The following CDON variants were observed in gnomAD, a reference collection of about 807,000 sequenced individuals.
CDON encodes the protein cell adhesion molecule-related/down-regulated by oncogenes.
Under a neutral mutation model 120.9 loss-of-function variants are expected in CDON, and 73 were observed. The ratio of observed to expected loss-of-function variants is 0.60; its 90% CI spans 0.50 to 0.73. The LOEUF is 0.73. Among genes scored for constraint, CDON ranks in the 30% least tolerant of loss-of-function variants. The pLI, the probability that CDON is intolerant of heterozygous loss-of-function variation, is 0.00. For synonymous variants in CDON, 566 were observed against 573.5 expected (o/e 0.99, Z 0.19); for missense variants, 1,470 against 1,587.3 (o/e 0.93, Z 1.26).
intron 1 of CDON, among the ~76,000 whole-genome samples, chr11:126,030,065 T>C (rs1947904260): frequency 6.6e-6 from 1 of 152,192 alleles, no homozygotes. Context: ...TCCTAAGTTA[T>C]AAGGCTTTCT....
chr11:125,989,582 G>A, intron 15 of CDON, 55 bp downstream of exon 15: 3 of 1,544,026 alleles, frequency 1.9e-6, no homozygotes, highest in Non-Finnish European at 2.7e-6. Context: ...GTCAGAAGCA[G>A]TAATCCAGGG....
intron 1 of CDON, among the ~76,000 whole-genome samples, chr11:126,028,907 C>T (rs751651887): frequency 3.3e-5 from 5 of 151,696 alleles, no homozygotes; most frequent in Non-Finnish European, 5.9e-5. Flanking sequence ...AAATCTTAAA[C>T]CACTCTTCTA....
At chr11:125,975,998 A>T (rs548506480) in intron 18 of CDON, among the ~76,000 whole-genome samples, 1 of 152,306 alleles carries the variant, frequency 6.6e-6, no homozygotes, top group South Asian at 2.1e-4. Flanking sequence ...TTATGTTTAC[A>T]CTATTTCAGC....
intron 16 of CDON, among the ~76,000 whole-genome samples, chr11:125,982,489 C>A (rs1389514373): frequency 1.3e-5 from 2 of 152,180 alleles, no homozygotes; most frequent in East Asian, 3.9e-4. Flanking sequence ...TAGCTGCCCA[C>A]ATTACTGTGT....
At chr11:126,011,890 G>C (rs1014028497) in intron 7 of CDON, among the ~76,000 whole-genome samples, 2 of 152,084 alleles carry the variant, frequency 1.3e-5, no homozygotes, top group African/African-American at 4.8e-5. Context: ...GTAAGACCCT[G>C]AGTTTCACTT....
rs1291453460 is a variant in CDON, at chr11:125,956,936, A to G, written c.*4006T>C. 3 of 850,556 alleles carry G rather than the reference A, an allele frequency of 3.5e-6. No homozygotes were observed. The East Asian group carries it at 3.7e-4, about 104-fold the overall frequency. The allele number at this position is 850,556 out of a possible 1,614,324, so 52.7% of individuals were successfully genotyped here. On this transcript the variant is annotated 3_prime_UTR_variant, in exon 20 of 20. Transcript: ENST00000531738. ...TATTTAAATATGGGAAATAAAATAC[A>G]AAAGGGCCACACCCGATGCAAAAGA... is the stretch of plus-strand genomic sequence containing the variant.
chr11:125,983,338 C>T (rs186637096), intron 16 of CDON, among the ~76,000 whole-genome samples: 5 of 152,172 alleles, frequency 3.3e-5, no homozygotes, highest in South Asian at 2.1e-4. Flanking sequence ...TTCAAGCACA[C>T]GTATTCCTAG....
chr11:125,996,465 G>C (rs570442000), intron 12 of CDON, among the ~76,000 whole-genome samples: 2 of 151,092 alleles, frequency 1.3e-5, no homozygotes, highest in East Asian at 4.0e-4. Context: ...TTGGGAGGCT[G>C]AGGCAGGCAG....
chr11:125,966,920 T>C (rs912108022), intron 18 of CDON, among the ~76,000 whole-genome samples: 3 of 151,390 alleles, frequency 2.0e-5, no homozygotes, highest in Non-Finnish European at 4.4e-5. Flanking sequence ...ATTAAAGATA[T>C]TCTTAGACAA....
chr11:126,022,238 T>TTAA (rs1168522341), intron 2 of CDON, among the ~76,000 whole-genome samples: 1 of 152,128 alleles, frequency 6.6e-6, no homozygotes, highest in African/African-American at 2.4e-5. Flanking sequence ...CTCCCCTATT[T>TTAA]TACCAACAGG....
At chr11:126,062,512 CCCCCAAG>C (rs1189711370) in intron 1 of CDON, 60 bp downstream of exon 1, 2 of 152,574 alleles carry the variant, frequency 1.3e-5, no homozygotes, top group African/African-American at 4.8e-5. Context: ...AAGCCAAGGC[CCCCCAAG>C]CCCAGTGCCC....
intron 13 of CDON, 48 bp from the exon 14 acceptor site, chr11:125,994,437 C>G (rs769826022): frequency 1.0e-6 from 1 of 997,268 alleles, no homozygotes; most frequent in Non-Finnish European, 1.6e-6. Context: ...TTAATGTAAC[C>G]TTCTCATTCA....
chr11:126,010,354 T>C lies in CDON; in HGVS notation c.1539A>G (p.Ala513=), dbSNP rs748074689. ...ANEHGTTQAE[A]SLMVVPFETN... ...ATGGCAACTCACCAACCATGAGAGATGCTTCTGCCTGTGTGGTACCATGTT... is the reference window on the plus strand; with the variant it reads ...ATGGCAACTCACCAACCATGAGAGACGCTTCTGCCTGTGTGGTACCATGTT... The change falls in exon 8 of 20, where the codon GCA becomes GCG. Residue 513 remains alanine (A), a synonymous_variant. Coordinates refer to ENST00000531738, the MANE Select transcript of CDON (RefSeq NM_001378964.1). 87 of 1,608,436 alleles carry C rather than the reference T, an allele frequency of 5.4e-5. No individual in the cohort carries two copies. Among genetic ancestry groups the C allele is most frequent in the South Asian group, 1.1e-5 (1 of 90,472 alleles).
chr11:126,010,811 C>T (rs1254555126), intron 7 of CDON, 117 bp from the exon 8 acceptor site: 2 of 789,580 alleles, frequency 2.5e-6, no homozygotes, highest in East Asian at 2.7e-5. Context: ...AGATAGCTAC[C>T]TCCTTATTAG....
intron 9 of CDON, 45 bp from the exon 10 acceptor site, chr11:126,004,121 G>A (rs1947046009): frequency 1.9e-6 from 3 of 1,587,590 alleles, no homozygotes. Context: ...AGGAGATGGA[G>A]GATAGGAAAT....
Position 125,986,080 on chromosome 11 carries a change from T to C in CDON, c.2774-1987A>G, listed in dbSNP as rs983992268. Among the ~76,000 whole-genome samples, 14 of 152,222 alleles carry C rather than the reference T, an allele frequency of 9.2e-5. 1 individual carries two copies. Among genetic ancestry groups the C allele is most frequent in the African/African-American group, 3.1e-4 (13 of 41,452 alleles). ...TGGAACTGACCCAAATGTCCACTAA[T>C]GATAGACTGGATTAAGAAAATGTGG... On this transcript the variant is annotated intron_variant, in intron 15 of 19. Transcript: ENST00000531738.
At chr11:125,980,621 C>T (rs180985429) in intron 17 of CDON, among the ~76,000 whole-genome samples, 1 of 152,328 alleles carries the variant, frequency 6.6e-6, no homozygotes, top group Admixed American at 6.5e-5. Context: ...CCTGAAGACA[C>T]TGTCTGTGCT....
In CDON at chr11:125,995,077, AAAC is replaced by A. The variant is rs138741332; in HGVS notation, c.2363-28_2363-26del. 414,071 of 1,565,838 alleles carry A rather than the reference AAAC, an allele frequency of 0.26. 58,667 individuals carry two copies. Among genetic ancestry groups the A allele is most frequent in the East Asian group, 0.5 (22,194 of 44,504 alleles). ...CCTTTGAGGGAAAACAAAAACAAAC[AAAC>A]AACAACAACAAAAACATAACTAAGA... On this transcript the variant is annotated intron_variant, in intron 12 of 19. Coordinates refer to ENST00000531738, the MANE Select transcript of CDON (RefSeq NM_001378964.1).
At chr11:125,974,052 T>A (rs1325252251) in intron 18 of CDON, among the ~76,000 whole-genome samples, 1 of 151,916 alleles carries the variant, frequency 6.6e-6, no homozygotes, top group Non-Finnish European at 1.5e-5. Context: ...CTTGCCACCA[T>A]GCCCAGCTAA....
Sources: gnomAD v4.1 joint callset for allele counts (sites outside exome capture counted in the v4.1 genomes callset) on GRCh38, gnomAD v4.1.1 for gene constraint, MANE v1.5 for transcripts, NCBI Gene and HGNC (gene_info 2026-07-23, HGNC 2026-07-21) for gene names.